The following LPAR1 variants were observed in gnomAD, a reference collection of about 807,000 sequenced individuals.
LPAR1 encodes lysophosphatidic acid receptor 1.
Under a neutral mutation model 23.8 loss-of-function variants are expected in LPAR1, and 5 were observed. That is an observed-to-expected ratio of 0.21 (90% confidence interval 0.11 to 0.44). LPAR1 has a LOEUF of 0.44. LPAR1 is among the 20% of genes least tolerant of loss of function. LPAR1 has a pLI of 0.99. For missense variants in LPAR1, 311 were observed against 482.8 expected (o/e 0.64, Z 3.33); for synonymous variants, 160 against 164.7 (o/e 0.97, Z 0.22).
intron 4 of LPAR1, among the ~76,000 whole-genome samples, chr9:110,970,059 C>G (rs1197009388): frequency 6.6e-6 from 1 of 152,064 alleles, no homozygotes; most frequent in Non-Finnish European, 1.5e-5. Flanking sequence ...GAAATAGAAC[C>G]TCTTTCTCCT....
intron 5 of LPAR1, among the ~76,000 whole-genome samples, chr9:110,927,116 GTAAAGGTTAAGTGGAT>G (rs1349633169): frequency 6.6e-6 from 1 of 152,204 alleles, no homozygotes; most frequent in African/African-American, 2.4e-5. Flanking sequence ...AGAAGTTGTC[GTAAAGGTTAAGTGGAT>G]TGCCCAAAGT....
chr9:110,949,395 C>T (rs921246091), intron 4 of LPAR1, among the ~76,000 whole-genome samples: 1 of 152,202 alleles, frequency 6.6e-6, no homozygotes, highest in South Asian at 2.1e-4. Flanking sequence ...CCCTTTTCCA[C>T]TTCTATTGGT....
At chr9:110,923,760 G>A (rs960826136) in intron 5 of LPAR1, among the ~76,000 whole-genome samples, 1 of 152,112 alleles carries the variant, frequency 6.6e-6, no homozygotes, top group Non-Finnish European at 1.5e-5. Flanking sequence ...TTGCTCAAGC[G>A]GACTCTGCTG....
At chr9:110,913,298 TA>T (rs1184784795) in intron 5 of LPAR1, among the ~76,000 whole-genome samples, 1 of 152,210 alleles carries the variant, frequency 6.6e-6, no homozygotes, top group African/African-American at 2.4e-5. Context: ...GCATAGAAAG[TA>T]CAGACTTTTA....
chr9:110,951,923 T>C (rs571454109), intron 4 of LPAR1, among the ~76,000 whole-genome samples: 16 of 152,264 alleles, frequency 1.1e-4, no homozygotes, highest in African/African-American at 3.9e-4. Context: ...ATAAACAAAG[T>C]ATAGCTTTAA....
intron 2 of LPAR1, among the ~76,000 whole-genome samples, chr9:111,013,695 G>C (rs1323485827): frequency 6.6e-6 from 1 of 152,118 alleles, no homozygotes; most frequent in Non-Finnish European, 1.5e-5. Context: ...AAGAAAAAAA[G>C]GGTGATCAGG....
At chr9:110,923,261 A>C (rs906927858) in intron 5 of LPAR1, among the ~76,000 whole-genome samples, 3 of 152,210 alleles carry the variant, frequency 2.0e-5, no homozygotes, top group African/African-American at 7.2e-5. Context: ...GTACCTACCA[A>C]GTACTTATAA....
At chr9:110,881,075 C>A (rs2080654325) in intron 5 of LPAR1, among the ~76,000 whole-genome samples, 1 of 152,154 alleles carries the variant, frequency 6.6e-6, no homozygotes, top group African/African-American at 2.4e-5. Flanking sequence ...AAGAATAACC[C>A]AGATTAATTA....
At chr9:110,977,116 T>G (rs1301235615) in intron 2 of LPAR1, among the ~76,000 whole-genome samples, 3 of 152,188 alleles carry the variant, frequency 2.0e-5, no homozygotes, top group Non-Finnish European at 4.4e-5. Flanking sequence ...ATCCTCTTCA[T>G]GTGAAACTGC....
At chr9:110,928,000 T>C (rs1316073129) in intron 5 of LPAR1, among the ~76,000 whole-genome samples, 1 of 152,102 alleles carries the variant, frequency 6.6e-6, no homozygotes, top group African/African-American at 2.4e-5. Flanking sequence ...TCCATATTTA[T>C]AAAGATAGTA....
chr9:111,014,729 C>A (rs1032795027), intron 2 of LPAR1, among the ~76,000 whole-genome samples: 1 of 151,934 alleles, frequency 6.6e-6, no homozygotes. Flanking sequence ...ATTTTAAATA[C>A]CAAATCTGGA....
At chr9:110,898,942 G>T (rs1472555284) in intron 5 of LPAR1, among the ~76,000 whole-genome samples, 1 of 152,164 alleles carries the variant, frequency 6.6e-6, no homozygotes, top group Non-Finnish European at 1.5e-5. Flanking sequence ...CCTTGTAGTT[G>T]TAACCATCAT....
chr9:110,914,071 A>G (rs1254188795), intron 5 of LPAR1, among the ~76,000 whole-genome samples: 1 of 152,152 alleles, frequency 6.6e-6, no homozygotes, highest in Non-Finnish European at 1.5e-5. Context: ...CAGCATCTCA[A>G]AAGGCAACTC....
At chr9:111,032,989 T>G (rs2097828266) in intron 2 of LPAR1, among the ~76,000 whole-genome samples, 1 of 152,268 alleles carries the variant, frequency 6.6e-6, no homozygotes, top group South Asian at 2.1e-4. Context: ...TTGCCCTGCC[T>G]CATGCAGGCT....
At chr9:110,958,591 T>A (rs1477398061) in intron 4 of LPAR1, among the ~76,000 whole-genome samples, 1 of 152,064 alleles carries the variant, frequency 6.6e-6, no homozygotes, top group African/African-American at 2.4e-5. Context: ...AGATAAAGAC[T>A]TTATTAAGAC....
chr9:111,029,383 T>G (rs1281490956), intron 2 of LPAR1, among the ~76,000 whole-genome samples: 1 of 152,118 alleles, frequency 6.6e-6, no homozygotes, highest in African/African-American at 2.4e-5. Context: ...CAACATGCCC[T>G]TTTTTGTCCA....
At chr9:110,985,115 G>C (rs939475792) in intron 2 of LPAR1, among the ~76,000 whole-genome samples, 1 of 152,052 alleles carries the variant, frequency 6.6e-6, no homozygotes, top group African/African-American at 2.4e-5. Flanking sequence ...AGGAGGCTAT[G>C]GGTTCATTTG....
chr9:110,957,896 A>G (rs2095816971), intron 4 of LPAR1, among the ~76,000 whole-genome samples: 1 of 152,238 alleles, frequency 6.6e-6, no homozygotes, highest in African/African-American at 2.4e-5. Flanking sequence ...CAGGATACAA[A>G]ATCAACATAC....
chr9:110,994,675 T>C (rs1312741127), intron 2 of LPAR1, among the ~76,000 whole-genome samples: 1 of 152,076 alleles, frequency 6.6e-6, no homozygotes. Context: ...GGAGCAGGGA[T>C]AGAAGGAGAA....
Sources: gnomAD v4.1 joint callset for allele counts (sites outside exome capture counted in the v4.1 genomes callset) on GRCh38, gnomAD v4.1.1 for gene constraint, MANE v1.5 for transcripts, NCBI Gene and HGNC (gene_info 2026-07-23, HGNC 2026-07-21) for gene names.